BNC2: variants seen among roughly 807,000 people sequenced by gnomAD.
BNC2 encodes basonuclin zinc finger protein 2.
In BNC2, 20 loss-of-function variants were observed where a neutral mutation model predicts 76.3. The ratio of observed to expected loss-of-function variants is 0.26; its 90% CI spans 0.18 to 0.38. The LOEUF is 0.38. Among genes scored for constraint, BNC2 ranks in the 10% least tolerant of loss-of-function variants. BNC2 has a pLI of 1.00. For missense variants in BNC2, 1,382 were observed against 1,399.8 expected, an observed-to-expected ratio of 0.99 and a Z score of 0.20; for synonymous variants, 582 against 514.8, an observed-to-expected ratio of 1.13 and a Z score of -1.77.
intron 1 of BNC2, among the ~76,000 whole-genome samples, chr9:16,843,343 T>C (rs1482776259): frequency 6.6e-6 from 1 of 152,236 alleles, no homozygotes; most frequent in Non-Finnish European, 1.5e-5. Flanking sequence ...TCCTTTTTTG[T>C]GTGTGAGACG....
intron 3 of BNC2, among the ~76,000 whole-genome samples, chr9:16,594,873 T>C (rs1486314882): frequency 6.6e-6 from 1 of 152,090 alleles, no homozygotes; most frequent in Non-Finnish European, 1.5e-5. Flanking sequence ...CTCAAACAAA[T>C]CTGAGATTTC....
At chr9:16,854,016 C>G (rs1001288596) in intron 1 of BNC2, among the ~76,000 whole-genome samples, 5 of 152,210 alleles carry the variant, frequency 3.3e-5, no homozygotes, top group African/African-American at 1.2e-4. Context: ...CATGGGACTT[C>G]TAAAGTCAGA....
chr9:16,471,751 T>C (rs1338745457), intron 5 of BNC2, among the ~76,000 whole-genome samples: 1 of 152,040 alleles, frequency 6.6e-6, no homozygotes, highest in African/African-American at 2.4e-5. Context: ...GGACATAAGA[T>C]TTGGAGGGGC....
chr9:16,525,126 T>A lies in BNC2; in HGVS notation c.669+27404A>T, dbSNP rs557359151. The stretch of plus-strand genomic sequence containing the variant: ...CACTGAATACAATTACTACATAAAA[T>A]ACTAGTAGATAACATTGATAACTAG... On this transcript the variant is annotated intron_variant, in intron 5 of 6. Transcript: ENST00000380672. Among the ~76,000 whole-genome samples the A allele has an allele frequency of 3.6e-3, 541 of 150,566 alleles. 2 individuals carry two copies. The highest frequency in any genetic ancestry group is 6.3e-3 in the Non-Finnish European group (430 of 67,776).
At chr9:16,830,086 C>T (rs1818547411) in intron 1 of BNC2, among the ~76,000 whole-genome samples, 1 of 152,188 alleles carries the variant, frequency 6.6e-6, no homozygotes, top group South Asian at 2.1e-4. Context: ...AAGAAATTTA[C>T]AATCTATGTG....
chr9:16,655,806 G>C (rs1821912967), intron 3 of BNC2, among the ~76,000 whole-genome samples: 3 of 152,090 alleles, frequency 2.0e-5, no homozygotes, highest in Admixed American at 1.3e-4. Flanking sequence ...CATTTGTCTA[G>C]AGCAGCAGCG....
intron 5 of BNC2, among the ~76,000 whole-genome samples, chr9:16,517,754 G>A (rs757337051): frequency 1.3e-5 from 2 of 151,888 alleles, no homozygotes; most frequent in Non-Finnish European, 1.5e-5. Flanking sequence ...ATATGCCTGG[G>A]GTGTTTATAT....
intron 5 of BNC2, among the ~76,000 whole-genome samples, chr9:16,495,618 C>T (rs185849153): frequency 1.3e-5 from 2 of 152,326 alleles, no homozygotes; most frequent in South Asian, 2.1e-4. Flanking sequence ...TGGCTCACCA[C>T]GGCCAAGCCA....
intron 3 of BNC2, among the ~76,000 whole-genome samples, chr9:16,640,961 G>C (rs997640655): frequency 2.0e-5 from 3 of 152,272 alleles, no homozygotes; most frequent in Admixed American, 2.0e-4. Context: ...GCTCTAGAAA[G>C]AGTTAAGACA....
At chr9:16,810,422 T>C (rs1818017463) in intron 1 of BNC2, among the ~76,000 whole-genome samples, 2 of 152,230 alleles carry the variant, frequency 1.3e-5, no homozygotes, top group African/African-American at 4.8e-5. Context: ...AAATAGGGGC[T>C]ACAGGCTAGG....
chr9:16,821,109 T>C (rs1818318623), intron 1 of BNC2, among the ~76,000 whole-genome samples: 1 of 151,804 alleles, frequency 6.6e-6, no homozygotes, highest in Non-Finnish European at 1.5e-5. Flanking sequence ...GGCACGCACC[T>C]GTAATCCCAG....
intron 3 of BNC2, among the ~76,000 whole-genome samples, chr9:16,704,219 GCACACGATTA>G (rs1461045226): frequency 1.3e-5 from 2 of 152,046 alleles, no homozygotes; most frequent in Non-Finnish European, 2.9e-5. Flanking sequence ...TATATGTAAT[GCACACGATTA>G]CAACTGAAGT....
intron 3 of BNC2, among the ~76,000 whole-genome samples, chr9:16,688,995 T>C (rs1270865252): frequency 6.6e-6 from 1 of 152,028 alleles, no homozygotes; most frequent in East Asian, 1.9e-4. Flanking sequence ...CCTCTCTCTC[T>C]CCCCTCAGGA....
In BNC2 at chr9:16,412,054, C is replaced by A. The variant is rs1820472565; in HGVS notation, c.*6935G>T. ...AGGGCATTTTGGAATATAACATTTT[C>A]ATGTATTCTTCCTTTGTACCTTTGG... On this transcript the variant is annotated 3_prime_UTR_variant, in exon 7 of 7. Coordinates refer to ENST00000380672, the MANE Select transcript of BNC2 (RefSeq NM_017637.6). The A allele has an allele frequency of 6.6e-6, 1 of 152,584 alleles. No homozygotes were observed. Among genetic ancestry groups the A allele is most frequent in the African/African-American group, 2.4e-5 (1 of 41,436 alleles). The allele number at this position is 152,584 out of a possible 1,614,324, so 9.5% of individuals were successfully genotyped here.
At chr9:16,429,970 C>A (rs762213727) in intron 6 of BNC2, 7 of 515,814 alleles carry the variant, frequency 1.4e-5, no homozygotes, top group South Asian at 9.9e-5. Flanking sequence ...TACAAGGAGA[C>A]CGTTTTGCTC....
chr9:16,428,360 C>G (rs1236571600), intron 6 of BNC2, among the ~76,000 whole-genome samples: 2 of 152,152 alleles, frequency 1.3e-5, no homozygotes, highest in Non-Finnish European at 2.9e-5. Flanking sequence ...AGCTGCAGGT[C>G]TGTGGTTCTT....
At chr9:16,770,876 A>G (rs1408397872) in intron 1 of BNC2, among the ~76,000 whole-genome samples, 1 of 151,954 alleles carries the variant, frequency 6.6e-6, no homozygotes, top group Admixed American at 6.6e-5. Flanking sequence ...CTGTCACAAA[A>G]AGAAAAGAAA....
chr9:16,865,906 T>C (rs1304101058), intron 1 of BNC2, among the ~76,000 whole-genome samples: 1 of 152,152 alleles, frequency 6.6e-6, no homozygotes, highest in Non-Finnish European at 1.5e-5. Flanking sequence ...AACAGCCAAA[T>C]TAAATTATAG....
intron 3 of BNC2, among the ~76,000 whole-genome samples, chr9:16,622,213 T>C (rs1820884558): frequency 6.6e-6 from 1 of 152,168 alleles, no homozygotes; most frequent in Non-Finnish European, 1.5e-5. Flanking sequence ...CTAAACTCCA[T>C]GATTCATTTT....
Sources: allele counts gnomAD v4.1 joint callset (sites outside exome capture counted in the v4.1 genomes callset), GRCh38; gene constraint gnomAD v4.1.1; transcripts MANE v1.5; gene names NCBI Gene and HGNC (gene_info 2026-07-23, HGNC 2026-07-21).